FAT3: variants seen among roughly 807,000 people sequenced by gnomAD.
FAT3 encodes the protein FAT atypical cadherin 3.
Under a neutral mutation model 310.2 loss-of-function variants are expected in FAT3, and 95 were observed. That is an observed-to-expected ratio of 0.31 (90% CI 0.26 to 0.36). FAT3 has a LOEUF of 0.36. FAT3 is among the 10% of genes least tolerant of loss of function. The probability of loss-of-function intolerance (pLI) is 1.00; values close to 1 mark genes in which losing one functional copy is unlikely to be tolerated. For synonymous variants in FAT3, 2,314 were observed against 2,192.9 expected (o/e 1.06, Z -1.54); for missense variants, 5,408 against 5,715.6 (o/e 0.95, Z 1.74).
At position 92,581,158 on chromosome 11, in the gene FAT3, G is replaced by A. The variant is rs1222225240; in HGVS notation, c.3607+56210G>A. Among the ~76,000 whole-genome samples, 4 of 151,926 alleles carry A rather than the reference G, an allele frequency of 2.6e-5. No individual in the cohort carries two copies. The East Asian group carries it at 7.7e-4, about 29-fold the overall frequency. ...ATACAAGTCTGGCCCTCCCCATCCAGCATACTCCAGATCCTACTAGGGTTA... is the reference window on the plus strand; with the variant it reads ...ATACAAGTCTGGCCCTCCCCATCCAACATACTCCAGATCCTACTAGGGTTA... On this transcript the variant is annotated intron_variant, in intron 3 of 27. Coordinates refer to ENST00000525166, the MANE Select transcript of FAT3 (RefSeq NM_001367949.2).
At chr11:92,575,763 T>A (rs1328808929) in intron 3 of FAT3, among the ~76,000 whole-genome samples, 1 of 152,162 alleles carries the variant, frequency 6.6e-6, no homozygotes, top group Admixed American at 6.6e-5. Flanking sequence ...GGGGGTCTTT[T>A]TTTTGTTTGT....
chr11:92,373,807 CACAG>C (rs1299661402), intron 2 of FAT3, among the ~76,000 whole-genome samples: 3 of 132,970 alleles, frequency 2.3e-5, no homozygotes, highest in Non-Finnish European at 4.7e-5. Context: ...CACACACACA[CACAG>C]AGACATAGAT....
At chr11:92,569,996 A>T (rs1955613180) in intron 3 of FAT3, among the ~76,000 whole-genome samples, 2 of 152,046 alleles carry the variant, frequency 1.3e-5, no homozygotes. Context: ...GTATTCTTTC[A>T]TTGTCTCTGA....
chr11:92,355,074 G>A lies in FAT3; in HGVS notation c.2962G>A (p.Ala988Thr), dbSNP rs770450284. The A allele has an allele frequency of 5.0e-6, 8 of 1,613,722 alleles. No homozygotes were observed. Among genetic ancestry groups the A allele is most frequent in the Non-Finnish European group, 6.8e-6 (8 of 1,179,836 alleles). ...TAATGGGAGATTTGAAATAGATAAAGCAAGTGGTGCCATCCGCTTGAGCAA... is the reference window on the plus strand; with the variant it reads ...TAATGGGAGATTTGAAATAGATAAAACAAGTGGTGCCATCCGCTTGAGCAA... ...DYNGRFEIDK[A>T]SGAIRLSKEL... The change falls in exon 2 of 28, where the codon GCA becomes ACA. Residue 988 changes from alanine to threonine, a missense_variant. Transcript: ENST00000525166.
At chr11:92,374,317 A>G (rs1352665846) in intron 2 of FAT3, among the ~76,000 whole-genome samples, 1 of 152,242 alleles carries the variant, frequency 6.6e-6, no homozygotes. Flanking sequence ...GGTCTAACAT[A>G]TCACACATTA....
intron 1 of FAT3, among the ~76,000 whole-genome samples, chr11:92,347,783 T>C (rs1471493606): frequency 6.6e-6 from 1 of 152,170 alleles, no homozygotes; most frequent in African/African-American, 2.4e-5. Context: ...GGAGATTATA[T>C]CAAAAATTAT....
chr11:92,857,436 A>G, intron 20 of FAT3, 88 bp downstream of exon 20: 1 of 1,563,204 alleles, frequency 6.4e-7, no homozygotes. Flanking sequence ...AAGTCCTCCC[A>G]GAAAACGTTT....
chr11:92,234,161 CTCTT>C (rs1284900894), intron 1 of FAT3, among the ~76,000 whole-genome samples: 6 of 152,194 alleles, frequency 3.9e-5, no homozygotes, highest in South Asian at 2.1e-4. Context: ...GGAAAATACA[CTCTT>C]TATTTAAACA....
intron 3 of FAT3, among the ~76,000 whole-genome samples, chr11:92,556,568 G>A (rs586699): frequency 0.54 from 82,422 of 152,010 alleles, 23,002 homozygotes; most frequent in East Asian, 0.78. Context: ...TAATTCATGT[G>A]TTCATCTTCT....
chr11:92,699,303 G>C (rs1260844915), intron 4 of FAT3, among the ~76,000 whole-genome samples: 2 of 152,156 alleles, frequency 1.3e-5, no homozygotes, highest in Non-Finnish European at 2.9e-5. Flanking sequence ...AGGGTGACTA[G>C]AGTTTATAAT....
At chr11:92,287,700 C>T (rs1471299725) in intron 1 of FAT3, among the ~76,000 whole-genome samples, 1 of 152,124 alleles carries the variant, frequency 6.6e-6, no homozygotes. Flanking sequence ...CCTGTGGTTT[C>T]TTTCTTTTGC....
chr11:92,615,317 G>A (rs1290612992), intron 3 of FAT3, among the ~76,000 whole-genome samples: 5 of 152,020 alleles, frequency 3.3e-5, no homozygotes, highest in African/African-American at 9.7e-5. Context: ...CACGATCTTC[G>A]CTCACTGCAA....
intron 4 of FAT3, among the ~76,000 whole-genome samples, chr11:92,752,387 A>G (rs1565565531): frequency 1.3e-5 from 2 of 152,222 alleles, no homozygotes. Flanking sequence ...CCAGTTCATA[A>G]TTCAGTTTCC....
intron 1 of FAT3, among the ~76,000 whole-genome samples, chr11:92,259,997 G>C (rs1309918187): frequency 2.0e-5 from 3 of 152,098 alleles, no homozygotes; most frequent in Non-Finnish European, 2.9e-5. Context: ...ACCAGGGAGA[G>C]GATCTATTAC....
chr11:92,818,687 A>G (rs1947885585), intron 13 of FAT3, among the ~76,000 whole-genome samples: 1 of 152,122 alleles, frequency 6.6e-6, no homozygotes, highest in African/African-American at 2.4e-5. Context: ...AGCTTCTCCG[A>G]GCCTTTAGTT....
intron 3 of FAT3, among the ~76,000 whole-genome samples, chr11:92,579,509 G>C (rs1938671923): frequency 6.6e-6 from 1 of 151,996 alleles, no homozygotes; most frequent in African/African-American, 2.4e-5. Context: ...ATTGCTGGAG[G>C]CTGTGGATAA....
intron 2 of FAT3, among the ~76,000 whole-genome samples, chr11:92,431,571 C>G (rs1950779231): frequency 6.6e-6 from 1 of 152,122 alleles, no homozygotes; most frequent in African/African-American, 2.4e-5. Flanking sequence ...GTGTTTTAGA[C>G]ATGAAGTCCT....
chr11:92,480,367 C>T (rs770037535), intron 2 of FAT3, among the ~76,000 whole-genome samples: 5 of 152,134 alleles, frequency 3.3e-5, no homozygotes, highest in Non-Finnish European at 5.9e-5. Flanking sequence ...ATTTTGGAGT[C>T]GGCCACCTCT....
intron 2 of FAT3, among the ~76,000 whole-genome samples, chr11:92,367,492 C>T (rs1179716297): frequency 2.0e-5 from 3 of 152,090 alleles, no homozygotes; most frequent in Non-Finnish European, 4.4e-5. Context: ...CATGGTGGCA[C>T]ACTCACCTGC....
Sources: allele counts gnomAD v4.1 joint callset (sites outside exome capture counted in the v4.1 genomes callset), GRCh38; gene constraint gnomAD v4.1.1; transcripts MANE v1.5; gene names NCBI Gene and HGNC (gene_info 2026-07-23, HGNC 2026-07-21).